Variants in TTC8 observed in about 807,000 individuals in gnomAD.
TTC8 encodes tetratricopeptide repeat domain 8.
Under a neutral mutation model 72.5 loss-of-function variants are expected in TTC8, and 47 were observed. The ratio of observed to expected loss-of-function variants is 0.65; its 90% confidence interval spans 0.51 to 0.83. The LOEUF (loss-of-function observed/expected upper bound fraction) is 0.83. Ranked by LOEUF, TTC8 falls within the 40% of genes least tolerant of loss-of-function variation. The pLI, the probability that TTC8 is intolerant of heterozygous loss-of-function variation, is 0.00. For synonymous variants in TTC8, 199 were observed against 221.4 expected (o/e 0.90, Z 0.90); for missense variants, 611 against 623.2 (o/e 0.98, Z 0.21).
intron 1 of TTC8, among the ~76,000 whole-genome samples, chr14:88,826,337 T>C (rs1225168329): frequency 6.6e-6 from 1 of 152,018 alleles, no homozygotes; most frequent in Non-Finnish European, 1.5e-5. Context: ...CTTAAAAAAA[T>C]ACACAATCAA....
At chr14:88,874,173 T>C (rs1566861326) in intron 13 of TTC8, among the ~76,000 whole-genome samples, 1 of 152,218 alleles carries the variant, frequency 6.6e-6, no homozygotes, top group Non-Finnish European at 1.5e-5. Flanking sequence ...TGACTTGAAA[T>C]GTTTTGGTGA....
chr14:88,868,889 T>C (rs2094921883), intron 10 of TTC8, among the ~76,000 whole-genome samples: 1 of 152,190 alleles, frequency 6.6e-6, no homozygotes, highest in Non-Finnish European at 1.5e-5. Flanking sequence ...TTAAGAAATA[T>C]TAAAAGTGGA....
In TTC8 at chr14:88,836,498, A is replaced by G. The variant is rs530513504; in HGVS notation, c.144+2776A>G. 5.9e-5 allele frequency among the ~76,000 whole-genome samples: 9 copies of G among 152,026 alleles called. No homozygotes were observed. In the East Asian group the frequency reaches 1.7e-3, roughly 29 times the overall value. On this transcript the variant is annotated intron_variant, in intron 2 of 14. Coordinates refer to ENST00000380656, the MANE Select transcript of TTC8 (RefSeq NM_144596.4). The stretch of plus-strand genomic sequence containing the variant: ...AGAGTGAGAGCCTGTCTTAAAAAAA[A>G]AAAAAAAAAAGTTCCTATTTGACTT...
chr14:88,825,575 C>T (rs2094695653), intron 1 of TTC8, among the ~76,000 whole-genome samples: 1 of 152,142 alleles, frequency 6.6e-6, no homozygotes, highest in Non-Finnish European at 1.5e-5. Flanking sequence ...CAGGTGGCTC[C>T]TGGAATAGGC....
chr14:88,847,337 G>T (rs76388411), intron 7 of TTC8, among the ~76,000 whole-genome samples: 1 of 152,156 alleles, frequency 6.6e-6, no homozygotes, highest in African/African-American at 2.4e-5. Flanking sequence ...AGGGAGGTGT[G>T]TTACCTGTCT....
At chr14:88,833,801 A>G in intron 2 of TTC8, 79 bp downstream of exon 2, 1 of 1,315,724 alleles carries the variant, frequency 7.6e-7, no homozygotes. Flanking sequence ...TAGATTAGAA[A>G]ATTTGCTGCA....
At chr14:88,825,017 A>C (rs1230026328) in intron 1 of TTC8, among the ~76,000 whole-genome samples, 196 bp downstream of exon 1, 1 of 152,196 alleles carries the variant, frequency 6.6e-6, no homozygotes, top group Admixed American at 6.5e-5. Flanking sequence ...CCACGGGGAT[A>C]GCAAGTTCTG....
chr14:88,864,220 A>G (rs146932094), intron 10 of TTC8, among the ~76,000 whole-genome samples: 36 of 152,378 alleles, frequency 2.4e-4, no homozygotes, highest in African/African-American at 8.4e-4. Context: ...TAGAAAAACT[A>G]TGATTTCCTT....
intron 7 of TTC8, among the ~76,000 whole-genome samples, chr14:88,844,729 A>G (rs1227924196): frequency 6.7e-6 from 1 of 149,764 alleles, no homozygotes; most frequent in Non-Finnish European, 1.5e-5. Context: ...TTTTTTAATT[A>G]TCTGTACAGA....
chr14:88,877,323 T>C lies in TTC8; in HGVS notation c.1461T>C (p.Ala487=), dbSNP rs2094961246. 6.2e-7 allele frequency: 1 copy of C among 1,613,776 alleles called. No homozygotes were observed. Among genetic ancestry groups the C allele is most frequent in the South Asian group, 1.1e-5 (1 of 91,076 alleles). The stretch of plus-strand genomic sequence containing the variant: ...GAGATCTGCAGAGAAGCTATGTTGC[T>C]GCGCAGAAGTCTGAAGCAGCATTTC... ...KIGDLQRSYV[A]AQKSEAAFPD... Residue 487 remains alanine (A), a synonymous_variant, in exon 15 of 15, where the codon GCT becomes GCC. Coordinates refer to ENST00000380656, the MANE Select transcript of TTC8 (RefSeq NM_144596.4).
intron 7 of TTC8, among the ~76,000 whole-genome samples, chr14:88,845,072 A>G (rs1186033915): frequency 6.6e-6 from 1 of 152,212 alleles, no homozygotes; most frequent in Non-Finnish European, 1.5e-5. Flanking sequence ...GATCCATGAA[A>G]ATAAGTAGAA....
rs143072189 is a variant in TTC8 at position 88,868,167 on chromosome 14, C to T, written c.910-1892C>T. Among the ~76,000 whole-genome samples the T allele has an allele frequency of 2.1e-3, 323 of 152,258 alleles. 1 individual carries two copies. The highest frequency in any genetic ancestry group is 7.4e-3 in the African/African-American group (309 of 41,536). ...CTCTGGGTTAAACAGACTAATCTAC[C>T]CTGTCACAAACATAGTTGTACCAAC... On this transcript the variant is annotated intron_variant, in intron 10 of 14. Coordinates refer to ENST00000380656, the MANE Select transcript of TTC8 (RefSeq NM_144596.4).
At chr14:88,868,661 G>C (rs2094921062) in intron 10 of TTC8, among the ~76,000 whole-genome samples, 1 of 152,128 alleles carries the variant, frequency 6.6e-6, no homozygotes, top group Non-Finnish European at 1.5e-5. Context: ...TGGCCAAGTG[G>C]CAGTTGCCAT....
rs1595954922 is a variant in TTC8, at chr14:88,849,810, G to A, written c.625-3161G>A. Among the ~76,000 whole-genome samples the A allele has an allele frequency of 2.0e-5, 3 of 152,286 alleles. No individual in the cohort carries two copies. In the South Asian group the frequency reaches 6.2e-4, roughly 32 times the overall value. ...TATGGAAAACTATTTCTGCCTTTGA[G>A]TATTTAATAACTCCCTTTCCCCACC... On this transcript the variant is annotated intron_variant, in intron 7 of 14. Transcript: ENST00000380656.
chr14:88,837,032 G>T, intron 2 of TTC8: 1 of 272,916 alleles, frequency 3.7e-6, no homozygotes, highest in South Asian at 3.0e-5. Context: ...TTGTACTCCA[G>T]CTTGGGCAAC....
intron 8 of TTC8, among the ~76,000 whole-genome samples, chr14:88,856,063 G>A (rs1211664480): frequency 1.2e-4 from 18 of 152,194 alleles, no homozygotes; most frequent in Admixed American, 2.6e-4. Flanking sequence ...CAGCCTGGGC[G>A]ACAGAGACTC....
chr14:88,872,343 C>G lies in TTC8; in HGVS notation c.1238C>G (p.Thr413Arg), dbSNP rs371193159. The change falls in exon 13 of 15, where the codon ACA (threonine) becomes AGA (arginine). Residue 413 changes from threonine to arginine, a missense_variant. By Grantham distance (71) the Thr-to-Arg change is moderately conservative. Coordinates refer to ENST00000380656, the MANE Select transcript of TTC8 (RefSeq NM_144596.4). ...TTTCTTTTGTAGGGAATAGGAGATA[C>G]AAATTTGGCCCATCAGTGCTTCAGG... Reference protein sequence around the residue: ...LGHVAVGIGDTNLAHQCFRLA... With the variant: ...LGHVAVGIGDRNLAHQCFRLA... 2 of 1,613,764 alleles carry G rather than the reference C, an allele frequency of 1.2e-6. No homozygotes were observed. Among genetic ancestry groups the G allele is most frequent in the South Asian group, 1.1e-5 (1 of 91,076 alleles).
intron 2 of TTC8, among the ~76,000 whole-genome samples, chr14:88,837,278 C>G (rs572412834): frequency 1.3e-5 from 2 of 152,252 alleles, no homozygotes; most frequent in African/African-American, 2.4e-5. Flanking sequence ...GCCATAGGCT[C>G]TCTAGCTAGC....
chr14:88,877,447 AT>A lies in TTC8; in HGVS notation c.*39del. On this transcript the variant is annotated 3_prime_UTR_variant, in exon 15 of 15. Coordinates refer to ENST00000380656, the MANE Select transcript of TTC8 (RefSeq NM_144596.4). ...ACCACATATGTTCTTATGAAGCAGC[AT>A]TATGCAAGGGGAAAAAAGCACTATG... 1 of 1,539,402 alleles carries A rather than the reference AT, an allele frequency of 6.5e-7. No homozygotes were observed. Among genetic ancestry groups the A allele is most frequent in the Non-Finnish European group, 9.0e-7 (1 of 1,112,136 alleles).
Sources: gnomAD v4.1 joint callset for allele counts (sites outside exome capture counted in the v4.1 genomes callset) on GRCh38, gnomAD v4.1.1 for gene constraint, MANE v1.5 for transcripts, NCBI Gene and HGNC (gene_info 2026-07-23, HGNC 2026-07-21) for gene names.